JAKMIP1: variants seen among roughly 807,000 people sequenced by gnomAD.
The protein encoded by JAKMIP1 is janus kinase and microtubule interacting protein 1.
A neutral mutation model predicts 113.0 loss-of-function variants in JAKMIP1; 33 were observed. That is an observed-to-expected ratio of 0.29 (90% CI 0.22 to 0.39). JAKMIP1 has a LOEUF of 0.39. Ranked by LOEUF, JAKMIP1 falls within the 10% of genes least tolerant of loss-of-function variation. JAKMIP1 has a pLI of 1.00. For missense variants in JAKMIP1, 813 were observed against 1,080.5 expected, an observed-to-expected ratio of 0.75 and a Z score of 3.47; for synonymous variants, 480 against 459.9, an observed-to-expected ratio of 1.04 and a Z score of -0.56.
In JAKMIP1 at chr4:6,137,061, G is replaced by A. The variant is rs1015730500; in HGVS notation, c.-147-24064C>T. The stretch of plus-strand genomic sequence containing the variant: ...TGCACCAGTAATCAAACTCCTACAC[G>A]GTGTCCCCTCCGATGTGCCCCCACC... On this transcript the variant is annotated intron_variant, in intron 1 of 20. Coordinates refer to ENST00000409021, the MANE Select transcript of JAKMIP1 (RefSeq NM_001099433.2). This position sits in a 1 kb window ranked among gnomAD's most constrained non-coding sequence, Gnocchi z 4.5. 2.6e-5 allele frequency among the ~76,000 whole-genome samples: 4 copies of A among 152,040 alleles called. No homozygotes were observed. The highest frequency in any genetic ancestry group is 5.9e-5 in the Non-Finnish European group (4 of 68,010).
In JAKMIP1 at chr4:6,061,846, C is replaced by T. The variant is rs1412872937; in HGVS notation, c.1560+466G>A. Among the ~76,000 whole-genome samples the T allele has an allele frequency of 6.6e-6, 1 of 152,112 alleles. No individual in the cohort carries two copies. Among genetic ancestry groups the T allele is most frequent in the Non-Finnish European group, 1.5e-5 (1 of 68,028 alleles). ...TTCCAGAAGGCAGAGCTCAGCCTAG[C>T]CTGAGGAATGGCGTGGCCTGGACTG... On this transcript the variant is annotated intron_variant, in intron 10 of 20. Coordinates refer to ENST00000409021, the MANE Select transcript of JAKMIP1 (RefSeq NM_001099433.2). This position sits in a 1 kb window ranked among gnomAD's most constrained non-coding sequence, Gnocchi z 5.3.
intron 4 of JAKMIP1, among the ~76,000 whole-genome samples, chr4:6,085,173 C>T (rs1721117634): frequency 6.6e-6 from 1 of 152,114 alleles, no homozygotes; most frequent in South Asian, 2.1e-4. Context: ...ACTTCAAACC[C>T]TTCCGTGGCT....
intron 1 of JAKMIP1, among the ~76,000 whole-genome samples, chr4:6,151,322 C>G (rs1721549655): frequency 6.6e-6 from 1 of 152,200 alleles, no homozygotes; most frequent in Admixed American, 6.5e-5. Context: ...TTCTCAAGAT[C>G]TCAAGCCCAG....
In JAKMIP1 at chr4:6,064,742, A is replaced by C. The variant is rs567915813; in HGVS notation, c.1431+138T>G. ...CCTTCCCTTCACACCATTGGCTTTG[A>C]TAATGCACTGGTAGGAACTGGTCAT... is the stretch of plus-strand genomic sequence containing the variant. On this transcript the variant is annotated intron_variant, in intron 9 of 20. Coordinates refer to ENST00000409021, the MANE Select transcript of JAKMIP1 (RefSeq NM_001099433.2). This position sits in a 1 kb window ranked among gnomAD's most constrained non-coding sequence, Gnocchi z 4.3. The C allele has an allele frequency of 9.1e-7, 1 of 1,103,716 alleles. No individual in the cohort carries two copies. Among genetic ancestry groups the C allele is most frequent in the Non-Finnish European group, 1.3e-6 (1 of 774,684 alleles). 68.4% of individuals were successfully genotyped at this position (1,103,716 alleles called of 1,614,324 possible).
chr4:6,187,114 G>A lies in JAKMIP1; in HGVS notation c.-148+13139C>T, dbSNP rs536891016. ...CAAAATGCTAGGATTTCAGGCATGAGCCACCATGCCCAGCCCACTTCTGTC... is the reference window on the plus strand; with the variant it reads ...CAAAATGCTAGGATTTCAGGCATGAACCACCATGCCCAGCCCACTTCTGTC... On this transcript the variant is annotated intron_variant, in intron 1 of 20. Transcript: ENST00000409021. This position sits in a 1 kb window ranked among gnomAD's most constrained non-coding sequence, Gnocchi z 4.2. Among the ~76,000 whole-genome samples, 1 of 152,230 alleles carries A rather than the reference G, an allele frequency of 6.6e-6. No individual in the cohort carries two copies. Among genetic ancestry groups the A allele is most frequent in the South Asian group, 2.1e-4 (1 of 4,808 alleles).
rs2108793598 is a variant in JAKMIP1, at chr4:6,065,845, G to A, written c.1303-837C>T. On this transcript the variant is annotated intron_variant, in intron 8 of 20. Coordinates refer to ENST00000409021, the MANE Select transcript of JAKMIP1 (RefSeq NM_001099433.2). The surrounding 1 kb of genome is among the most constrained non-coding windows in gnomAD (Gnocchi z 5.1). Reference sequence around the variant, plus strand: ...AAAACACTGGCAAAGCTCCTTCTATGGGCCAGACACGGGGCAGGCCTGGGG... The same window carrying A: ...AAAACACTGGCAAAGCTCCTTCTATAGGCCAGACACGGGGCAGGCCTGGGG... 1.3e-5 allele frequency among the ~76,000 whole-genome samples: 2 copies of A among 152,224 alleles called. No homozygotes were observed. The highest frequency in any genetic ancestry group is 4.2e-4 in the South Asian group (2 of 4,812).
chr4:6,098,922 T>C lies in JAKMIP1; in HGVS notation c.624+6551A>G, dbSNP rs529203287. Among the ~76,000 whole-genome samples, 5 of 152,356 alleles carry C rather than the reference T, an allele frequency of 3.3e-5. 1 individual carries two copies. The East Asian group carries it at 9.6e-4, about 29-fold the overall frequency. On this transcript the variant is annotated intron_variant, in intron 3 of 20. Transcript: ENST00000409021. ...CTTAAACTTCATGTGAGTAAAATCATATAGTATGTAGCTTTTGTGCTCATC... is the reference window on the plus strand; with the variant it reads ...CTTAAACTTCATGTGAGTAAAATCACATAGTATGTAGCTTTTGTGCTCATC...
Position 6,085,082 on chromosome 4 carries a change from G to A in JAKMIP1, c.835-117C>T, listed in dbSNP as rs567849758. 47 of 1,246,552 alleles carry A rather than the reference G, an allele frequency of 3.8e-5. No individual in the cohort carries two copies. The African/African-American group carries it at 6.8e-4, about 18-fold the overall frequency. 77.2% of individuals were successfully genotyped at this position (1,246,552 alleles called of 1,614,324 possible). On this transcript the variant is annotated intron_variant, in intron 4 of 20. Coordinates refer to ENST00000409021, the MANE Select transcript of JAKMIP1 (RefSeq NM_001099433.2). The stretch of plus-strand genomic sequence containing the variant: ...TAATGGGTGAGATCCTTATTCAGGG[G>A]CCCACATGCCACACAGCAAGGTGGG...
chr4:6,105,686 G>C lies in JAKMIP1; in HGVS notation c.411C>G (p.Arg137=), dbSNP rs745471561. The change falls in exon 3 of 21, where the codon CGC becomes CGG. Residue 137 remains arginine (R), a synonymous_variant. Coordinates refer to ENST00000409021, the MANE Select transcript of JAKMIP1 (RefSeq NM_001099433.2). ...KVKTALLTEA[R]EEARRAFDGE... ...CATCGAAGGCCCTGCGCGCCTCCTC[G>C]CGCGCCTCGGTCAGCAGCGCCGTCT... 6.2e-7 allele frequency: 1 copy of C among 1,602,862 alleles called. No homozygotes were observed. Among genetic ancestry groups the C allele is most frequent in the African/African-American group, 1.3e-5 (1 of 74,944 alleles).
At chr4:6,077,048 AT>A (rs1719784798) in intron 8 of JAKMIP1, among the ~76,000 whole-genome samples, 1 of 152,220 alleles carries the variant, frequency 6.6e-6, no homozygotes, top group Admixed American at 6.5e-5. Flanking sequence ...GACATTTAAA[AT>A]CCAGCATTTA....
chr4:6,060,379 G>T, intron 11 of JAKMIP1, 45 bp downstream of exon 11: 2 of 1,444,220 alleles, frequency 1.4e-6, no homozygotes, highest in Non-Finnish European at 2.0e-6. Context: ...CCACCAAGGG[G>T]ACAGAAAGGC....
chr4:6,050,823 C>T lies in JAKMIP1; in HGVS notation c.1807-144G>A, dbSNP rs1042293459. The T allele has an allele frequency of 1.1e-5, 7 of 642,680 alleles. No individual in the cohort carries two copies. The highest frequency in any genetic ancestry group is 1.1e-4 in the Admixed American group (4 of 37,288). 39.8% of individuals were successfully genotyped at this position (642,680 alleles called of 1,614,324 possible). A position where few individuals can be genotyped will look rare whatever the true frequency, so the allele number is the denominator to read the frequency against. ...CACGAGTTCGGACTAGAAGCAGCCTCGTCCGTGAGCTACGACGTTTTCACG... is the reference window on the plus strand; with the variant it reads ...CACGAGTTCGGACTAGAAGCAGCCTTGTCCGTGAGCTACGACGTTTTCACG... On this transcript the variant is annotated intron_variant, in intron 13 of 20. Transcript: ENST00000409021. This position sits in a 1 kb window ranked among gnomAD's most constrained non-coding sequence, Gnocchi z 7.4.
rs1188116304 is a variant in JAKMIP1, at chr4:6,188,353, G to T, written c.-148+11900C>A. 6.6e-6 allele frequency among the ~76,000 whole-genome samples: 1 copy of T among 152,242 alleles called. No individual in the cohort carries two copies. Among genetic ancestry groups the T allele is most frequent in the Non-Finnish European group, 1.5e-5 (1 of 68,044 alleles). On this transcript the variant is annotated intron_variant, in intron 1 of 20. Coordinates refer to ENST00000409021, the MANE Select transcript of JAKMIP1 (RefSeq NM_001099433.2). This position sits in a 1 kb window ranked among gnomAD's most constrained non-coding sequence, Gnocchi z 5.8. Reference sequence around the variant, plus strand: ...CAGGATTCAGAACAGAATCCGCAATGATGGCGTTTTCAAGTGCTGTGGCAC... The same window carrying T: ...CAGGATTCAGAACAGAATCCGCAATTATGGCGTTTTCAAGTGCTGTGGCAC...
rs1296952417 is a variant in JAKMIP1, at chr4:6,168,216, G to C, written c.-148+32037C>G. Among the ~76,000 whole-genome samples the C allele has an allele frequency of 6.6e-6, 1 of 152,198 alleles. No individual in the cohort carries two copies. Among genetic ancestry groups the C allele is most frequent in the Non-Finnish European group, 1.5e-5 (1 of 68,032 alleles). On this transcript the variant is annotated intron_variant, in intron 1 of 20. Transcript: ENST00000409021. The surrounding 1 kb of genome is among the most constrained non-coding windows in gnomAD (Gnocchi z 4.6). ...GGTCATGAAATGATGCAGCCACTTT[G>C]GAAAACAGTCTGGTGGTTCCTTAAA...
At position 6,031,548 on chromosome 4, in the gene JAKMIP1, G is replaced by A. The variant is rs1409161670; in HGVS notation, c.2380-1767C>T. Among the ~76,000 whole-genome samples, 2 of 152,320 alleles carry A rather than the reference G, an allele frequency of 1.3e-5. No individual in the cohort carries two copies. Among genetic ancestry groups the A allele is most frequent in the Non-Finnish European group, 2.9e-5 (2 of 68,036 alleles). The stretch of plus-strand genomic sequence containing the variant: ...GAATTCCAGGCAGAGGGAACGGCAT[G>A]TGCAGGAGGCCAAGAGGCCTTTGGT... On this transcript the variant is annotated intron_variant, in intron 19 of 20. Transcript: ENST00000409021. This position sits in a 1 kb window ranked among gnomAD's most constrained non-coding sequence, Gnocchi z 4.4.
chr4:6,088,762 C>T lies in JAKMIP1; in HGVS notation c.625-3133G>A, dbSNP rs1721639811. On this transcript the variant is annotated intron_variant, in intron 3 of 20. Transcript: ENST00000409021. The surrounding 1 kb of genome is among the most constrained non-coding windows in gnomAD (Gnocchi z 5.5). ...ATCACAAGCTGAGCTCTTAGTGATC[C>T]TATCTCGCTGCCCTTGGGATGCTGA... Among the ~76,000 whole-genome samples, 1 of 152,174 alleles carries T rather than the reference C, an allele frequency of 6.6e-6. No homozygotes were observed. The highest frequency in any genetic ancestry group is 6.5e-5 in the Admixed American group (1 of 15,282).
intron 1 of JAKMIP1, among the ~76,000 whole-genome samples, chr4:6,174,649 C>T (rs1009001320): frequency 1.3e-5 from 2 of 152,136 alleles, no homozygotes; most frequent in African/African-American, 4.8e-5. Context: ...TCTCTAGAGC[C>T]TTAAGTCTTC....
chr4:6,139,653 C>G lies in JAKMIP1; in HGVS notation c.-147-26656G>C, dbSNP rs930886393. 3.3e-5 allele frequency among the ~76,000 whole-genome samples: 5 copies of G among 152,026 alleles called. No homozygotes were observed. Among genetic ancestry groups the G allele is most frequent in the Admixed American group, 6.5e-5 (1 of 15,270 alleles). ...TGGTGGCACACACCTGTAGTCCCAG[C>G]TACTTGGGAGGCTGAGGCAGGAGAA... On this transcript the variant is annotated intron_variant, in intron 1 of 20. Coordinates refer to ENST00000409021, the MANE Select transcript of JAKMIP1 (RefSeq NM_001099433.2). The surrounding 1 kb of genome is among the most constrained non-coding windows in gnomAD (Gnocchi z 5.2).
At position 6,042,147 on chromosome 4, in the gene JAKMIP1, C is replaced by G; in HGVS notation, c.2097+12G>C. 6.2e-7 allele frequency: 1 copy of G among 1,612,574 alleles called. No homozygotes were observed. Among genetic ancestry groups the G allele is most frequent in the South Asian group, 1.1e-5 (1 of 91,040 alleles). ...ACCCTCTCCCCCACCCCCAGGCAGT[C>G]AAATCTTTTACCTTCTCCTTCTCCA... On this transcript the variant is annotated intron_variant, in intron 17 of 20. Transcript: ENST00000409021. This position sits in a 1 kb window ranked among gnomAD's most constrained non-coding sequence, Gnocchi z 5.2.
Sources: allele counts gnomAD v4.1 joint callset (sites outside exome capture counted in the v4.1 genomes callset), GRCh38; gene constraint gnomAD v4.1.1; non-coding constraint Gnocchi (gnomAD v3.1); transcripts MANE v1.5; gene names NCBI Gene and HGNC (gene_info 2026-07-23, HGNC 2026-07-21).